Variants in SOHLH2 observed in about 807,000 individuals in gnomAD.
SOHLH2 encodes the protein spermatogenesis and oogenesis specific basic helix-loop-helix 2.
SOHLH2 carries 22 observed loss-of-function variants against 50.4 expected under a neutral mutation model. The observed-to-expected ratio is 0.44, with a 90% CI of 0.31 to 0.62. The LOEUF is 0.62. Ranked by LOEUF, SOHLH2 falls within the 20% of genes least tolerant of loss-of-function variation. SOHLH2 has a pLI of 0.08. For missense variants in SOHLH2, 412 were observed against 504.4 expected (o/e 0.82, Z 1.76); for synonymous variants, 185 against 187.3 (o/e 0.99, Z 0.10).
intron 1 of SOHLH2, among the ~76,000 whole-genome samples, chr13:36,211,123 C>T (rs1233609486): frequency 2.0e-5 from 3 of 152,120 alleles, no homozygotes; most frequent in Non-Finnish European, 2.9e-5. Flanking sequence ...TTAATTGAAG[C>T]GAATATGAAT....
Position 36,170,522 on chromosome 13 carries a change from G to T in SOHLH2, c.1257+9C>A. The T allele has an allele frequency of 6.2e-7, 1 of 1,612,468 alleles. No homozygotes were observed. The highest frequency in any genetic ancestry group is 8.5e-7 in the Non-Finnish European group (1 of 1,179,042). ...GTCCAATCTGATCCATGGACCCCTG[G>T]AAACTTACCAGACAGTTGGGATGTG... On this transcript the variant is annotated intron_variant, in intron 10 of 10. Transcript: ENST00000379881.
intron 1 of SOHLH2, among the ~76,000 whole-genome samples, chr13:36,203,737 T>C (rs146389903): frequency 9.5e-4 from 145 of 152,282 alleles, no homozygotes; most frequent in African/African-American, 3.0e-3. Flanking sequence ...ATCCTTTTTA[T>C]TGGCATTTTT....
At chr13:36,214,221 C>T (rs555801642) in intron 1 of SOHLH2, among the ~76,000 whole-genome samples, 1 of 152,264 alleles carries the variant, frequency 6.6e-6, no homozygotes, top group African/African-American at 2.4e-5. Context: ...AAATCAGCCC[C>T]GTCCCCCAAC....
intron 1 of SOHLH2, among the ~76,000 whole-genome samples, chr13:36,210,634 G>A (rs1484928002): frequency 6.6e-6 from 1 of 152,008 alleles, no homozygotes; most frequent in East Asian, 1.9e-4. Context: ...GGGGTAGATG[G>A]GGAGGTTGAC....
intron 8 of SOHLH2, 118 bp downstream of exon 8, chr13:36,174,358 G>A: frequency 1.5e-6 from 2 of 1,339,090 alleles, no homozygotes; most frequent in South Asian, 1.4e-5. Flanking sequence ...AAAGTTCGCT[G>A]ACCCTTAATA....
chr13:36,189,762 A>G (rs1887522180), intron 6 of SOHLH2, among the ~76,000 whole-genome samples, 184 bp downstream of exon 6: 1 of 152,202 alleles, frequency 6.6e-6, no homozygotes, highest in African/African-American at 2.4e-5. Context: ...CTTCTTTGGC[A>G]TGCACTGCAG....
At chr13:36,193,923 G>C in intron 2 of SOHLH2, 56 bp from the exon 3 acceptor site, 6 of 1,540,768 alleles carry the variant, frequency 3.9e-6, no homozygotes, top group Admixed American at 2.1e-5. Flanking sequence ...AAAAAATTGA[G>C]ATTCAGGAGT....
At chr13:36,209,686 G>A (rs1868993702) in intron 1 of SOHLH2, among the ~76,000 whole-genome samples, 1 of 152,182 alleles carries the variant, frequency 6.6e-6, no homozygotes, top group Non-Finnish European at 1.5e-5. Flanking sequence ...ATTCGGTAGA[G>A]GGCACAAACA....
rs1221006953 is a variant in SOHLH2, at chr13:36,174,444, A to G, written c.881+32T>C. On this transcript the variant is annotated intron_variant, in intron 8 of 10. Transcript: ENST00000379881. ...TCAACATGGGAGGAAAATAACTAGCAGACTTCAGATTCGCAAAAGCCCTTA... is the reference window on the plus strand; with the variant it reads ...TCAACATGGGAGGAAAATAACTAGCGGACTTCAGATTCGCAAAAGCCCTTA... The G allele has an allele frequency of 7.5e-6, 12 of 1,608,316 alleles. No homozygotes were observed. The Admixed American group carries it at 1.2e-4, about 16-fold the overall frequency.
chr13:36,198,322 G>C (rs1887796298), intron 2 of SOHLH2, among the ~76,000 whole-genome samples: 1 of 152,146 alleles, frequency 6.6e-6, no homozygotes, highest in Non-Finnish European at 1.5e-5. Context: ...TTCTGTACCT[G>C]TCTTTGGAAG....
intron 6 of SOHLH2, among the ~76,000 whole-genome samples, chr13:36,180,393 A>G (rs1157165466): frequency 6.6e-6 from 1 of 152,192 alleles, no homozygotes; most frequent in Non-Finnish European, 1.5e-5. Context: ...TATCTAATAT[A>G]AGCATTTAAA....
rs1317965107 is a variant in SOHLH2, at chr13:36,193,843, A to G, written c.288T>C (p.His96=). 1.6e-5 allele frequency: 26 copies of G among 1,602,292 alleles called. No homozygotes were observed. The East Asian group carries it at 3.8e-4, about 24-fold the overall frequency. ...CAGGGATTATAAAAACAAACAGTGAATGTGTATTTTTCTTTTTGCCAAATC... is the reference window on the plus strand; with the variant it reads ...CAGGGATTATAAAAACAAACAGTGAGTGTGTATTTTTCTTTTTGCCAAATC... ...LIRFGKKKNT[H]SLFVFIIPEN... is the part of the protein sequence containing the mutation. The change falls in exon 3 of 11, where the codon CAT becomes CAC. Residue 96 remains histidine, a synonymous_variant. Transcript: ENST00000379881.
chr13:36,171,446 A>G (rs1308477965), intron 9 of SOHLH2, among the ~76,000 whole-genome samples: 1 of 152,188 alleles, frequency 6.6e-6, no homozygotes, highest in African/African-American at 2.4e-5. Context: ...ACCTTGGGTG[A>G]TCATTTAACT....
intron 2 of SOHLH2, among the ~76,000 whole-genome samples, chr13:36,198,219 A>T (rs1158136043): frequency 6.6e-6 from 1 of 152,212 alleles, no homozygotes; most frequent in Non-Finnish European, 1.5e-5. Flanking sequence ...CTCTGAGCTC[A>T]TGAGAATCAC....
chr13:36,183,030 C>G (rs1178550384), intron 6 of SOHLH2: 1 of 175,172 alleles, frequency 5.7e-6, no homozygotes, highest in Non-Finnish European at 1.3e-5. Flanking sequence ...AGTTCTCACT[C>G]AGTTCATGCA....
Position 36,190,002 on chromosome 13 carries a change from C to T in SOHLH2, c.585G>A (p.Glu195=), listed in dbSNP as rs778186684. Residue 195 remains glutamate, a synonymous_variant, in exon 6 of 11, where the codon GAG becomes GAA. Transcript: ENST00000379881. ...GAGAGATCTTTTTGTTTTTCTCGAA[C>T]TCTGACAACGAAGCATTTAATTCAA... ...NGLELNASLS[E]FEKNKKISLL... 7 of 1,607,884 alleles carry T rather than the reference C, an allele frequency of 4.4e-6. No individual in the cohort carries two copies. The highest frequency in any genetic ancestry group is 2.7e-5 in the African/African-American group (2 of 74,934).
chr13:36,196,125 TA>T (rs775000400), intron 2 of SOHLH2, among the ~76,000 whole-genome samples: 3 of 134,950 alleles, frequency 2.2e-5, no homozygotes, highest in African/African-American at 5.9e-5. Flanking sequence ...GATAGATAGA[TA>T]ATTTTTTTTT....
At chr13:36,181,362 C>CT (rs1459904227) in intron 6 of SOHLH2, among the ~76,000 whole-genome samples, 1 of 151,996 alleles carries the variant, frequency 6.6e-6, no homozygotes, top group Non-Finnish European at 1.5e-5. Context: ...TCTACCATAC[C>CT]TTTTTTTCCC....
At chr13:36,202,602 T>G (rs565074936) in intron 1 of SOHLH2, among the ~76,000 whole-genome samples, 1 of 152,172 alleles carries the variant, frequency 6.6e-6, no homozygotes, top group Non-Finnish European at 1.5e-5. Flanking sequence ...ACCTCAATAT[T>G]AGGAACCAAA....
Sources: allele counts gnomAD v4.1 joint callset (sites outside exome capture counted in the v4.1 genomes callset), GRCh38; gene constraint gnomAD v4.1.1; transcripts MANE v1.5; gene names NCBI Gene and HGNC (gene_info 2026-07-23, HGNC 2026-07-21).